C8orf34: variants seen among roughly 807,000 people sequenced by gnomAD.
C8orf34 encodes the protein chromosome 8 open reading frame 34, also known as uncharacterized protein C8orf34.
A neutral mutation model predicts 68.3 loss-of-function variants in C8orf34; 65 were observed. The ratio of observed to expected loss-of-function variants is 0.95; its 90% CI spans 0.78 to 1.17. C8orf34 has a LOEUF of 1.17. C8orf34 is among the 50% of genes most tolerant of loss of function. C8orf34 has a pLI of 0.00. For missense variants in C8orf34, 664 were observed against 655.4 expected, an observed-to-expected ratio of 1.01 and a Z score of -0.14; for synonymous variants, 244 against 241.2, an observed-to-expected ratio of 1.01 and a Z score of -0.11.
chr8:68,735,136 C>T (rs1379865195), intron 10 of C8orf34, among the ~76,000 whole-genome samples: 2 of 152,166 alleles, frequency 1.3e-5, no homozygotes, highest in Non-Finnish European at 2.9e-5. Flanking sequence ...CTGTCACATT[C>T]CAAAGCCCTG....
Position 68,332,983 on chromosome 8 carries a change from A to C in C8orf34, c.327+1644A>C, listed in dbSNP as rs556856025. ...CAACGCAGTGTATTAATTGCATCGAAAGAATCATAAAATACATACATTTAG... is the reference window on the plus strand; with the variant it reads ...CAACGCAGTGTATTAATTGCATCGACAGAATCATAAAATACATACATTTAG... On this transcript the variant is annotated intron_variant, in intron 1 of 13. Coordinates refer to ENST00000518698, the MANE Select transcript of C8orf34 (RefSeq NM_052958.4). Among the ~76,000 whole-genome samples, 4 of 152,326 alleles carry C rather than the reference A, an allele frequency of 2.6e-5. No homozygotes were observed. In the South Asian group the frequency reaches 8.3e-4, roughly 32 times the overall value.
chr8:68,432,076 C>G (rs1477617631), intron 1 of C8orf34, among the ~76,000 whole-genome samples: 1 of 151,986 alleles, frequency 6.6e-6, no homozygotes, highest in Non-Finnish European at 1.5e-5. Context: ...GCCTATAGAG[C>G]TGTGGATGTG....
At chr8:68,495,347 A>G (rs796935530) in intron 5 of C8orf34, among the ~76,000 whole-genome samples, 168 of 152,160 alleles carry the variant, frequency 1.1e-3, no homozygotes, top group African/African-American at 3.8e-3. Context: ...TAAGCATTTT[A>G]TATAGATTAT....
intron 5 of C8orf34, among the ~76,000 whole-genome samples, chr8:68,501,675 C>A (rs1320588306): frequency 1.3e-5 from 2 of 152,120 alleles, no homozygotes; most frequent in South Asian, 2.1e-4. Context: ...AACAAAATTT[C>A]TTTTAGCCAC....
intron 5 of C8orf34, among the ~76,000 whole-genome samples, chr8:68,512,567 A>G (rs1814322638): frequency 6.6e-6 from 1 of 152,190 alleles, no homozygotes; most frequent in Non-Finnish European, 1.5e-5. Flanking sequence ...AAAATGATGA[A>G]TCAGAAATTT....
intron 10 of C8orf34, among the ~76,000 whole-genome samples, chr8:68,774,299 G>GTTC (rs1416388611): frequency 7.2e-6 from 1 of 139,168 alleles, no homozygotes; most frequent in African/African-American, 3.1e-5. Flanking sequence ...CTAAGAAACA[G>GTTC]TTTATCTATG....
Position 68,417,968 on chromosome 8 carries a change from C to A in C8orf34, c.328-21531C>A, listed in dbSNP as rs1370919986. Reference sequence around the variant, plus strand: ...ATTTGTTTGTATCCTCTTTTATTTCCTTGAGCAGTGGTTTGTAGTTCTCCT... The same window carrying A: ...ATTTGTTTGTATCCTCTTTTATTTCATTGAGCAGTGGTTTGTAGTTCTCCT... On this transcript the variant is annotated intron_variant, in intron 1 of 13. Coordinates refer to ENST00000518698, the MANE Select transcript of C8orf34 (RefSeq NM_052958.4). Among the ~76,000 whole-genome samples the A allele has an allele frequency of 1.5e-4, 23 of 150,556 alleles. 1 individual carries two copies. The highest frequency in any genetic ancestry group is 3.1e-4 in the Non-Finnish European group (21 of 67,698).
intron 8 of C8orf34, among the ~76,000 whole-genome samples, chr8:68,647,860 T>C (rs1819225739): frequency 6.6e-6 from 1 of 152,202 alleles, no homozygotes; most frequent in Admixed American, 6.5e-5. Context: ...AGACTTAGTC[T>C]GCTGTGAACA....
intron 9 of C8orf34, among the ~76,000 whole-genome samples, chr8:68,716,142 T>C (rs1486002788): frequency 6.6e-6 from 1 of 151,834 alleles, no homozygotes; most frequent in East Asian, 1.9e-4. Context: ...AAGATTGATA[T>C]ATTGGACTTT....
At chr8:68,738,805 C>A (rs1254651283) in intron 10 of C8orf34, among the ~76,000 whole-genome samples, 1 of 151,880 alleles carries the variant, frequency 6.6e-6, no homozygotes. Flanking sequence ...AACCTACCAA[C>A]CAAAAAAAGG....
intron 1 of C8orf34, among the ~76,000 whole-genome samples, chr8:68,352,833 G>C (rs945656843): frequency 1.3e-5 from 2 of 152,104 alleles, no homozygotes; most frequent in Non-Finnish European, 2.9e-5. Flanking sequence ...AAGATGGTCA[G>C]AAGTTGTGAA....
intron 7 of C8orf34, among the ~76,000 whole-genome samples, chr8:68,551,848 G>A (rs960132347): frequency 6.6e-6 from 1 of 152,034 alleles, no homozygotes; most frequent in Non-Finnish European, 1.5e-5. Flanking sequence ...AGGTTTTAAA[G>A]TTTTAACTCT....
intron 7 of C8orf34, chr8:68,535,320 T>C: frequency 1.0e-6 from 1 of 982,042 alleles, no homozygotes; most frequent in South Asian, 4.7e-5. Context: ...ATGTGTGTGC[T>C]ATAGCTTATG....
At chr8:68,634,011 G>A (rs80080068) in intron 7 of C8orf34, among the ~76,000 whole-genome samples, 1,999 of 152,102 alleles carry the variant, frequency 0.013, 56 homozygotes, top group African/African-American at 0.042. Flanking sequence ...TGGCATGGGA[G>A]CCCTCAAAAG....
At chr8:68,396,272 G>C (rs923826704) in intron 1 of C8orf34, among the ~76,000 whole-genome samples, 2 of 151,894 alleles carry the variant, frequency 1.3e-5, no homozygotes, top group Admixed American at 1.3e-4. Flanking sequence ...TTACCAGCAT[G>C]TTTTAAAATT....
intron 7 of C8orf34, among the ~76,000 whole-genome samples, chr8:68,562,174 T>G (rs1816451474): frequency 6.6e-6 from 1 of 152,202 alleles, no homozygotes; most frequent in South Asian, 2.1e-4. Flanking sequence ...GTGAGTACTG[T>G]GTTGTGGCAC....
chr8:68,393,914 T>G (rs952614855), intron 1 of C8orf34, among the ~76,000 whole-genome samples: 2 of 151,966 alleles, frequency 1.3e-5, no homozygotes, highest in African/African-American at 4.8e-5. Context: ...AGGGGAGAGA[T>G]GATGGTGGCT....
intron 10 of C8orf34, among the ~76,000 whole-genome samples, chr8:68,759,948 C>G (rs1354270664): frequency 6.6e-6 from 1 of 152,124 alleles, no homozygotes; most frequent in Non-Finnish European, 1.5e-5. Flanking sequence ...AAAGCACTTA[C>G]AGTATGACAG....
chr8:68,550,726 G>A (rs919923620), intron 7 of C8orf34, among the ~76,000 whole-genome samples: 2 of 150,960 alleles, frequency 1.3e-5, no homozygotes, highest in African/African-American at 4.8e-5. Context: ...TTTTAAAGGA[G>A]ATTTGATATT....
Sources: gnomAD v4.1 joint callset for allele counts (sites outside exome capture counted in the v4.1 genomes callset) on GRCh38, gnomAD v4.1.1 for gene constraint, MANE v1.5 for transcripts, NCBI Gene and HGNC (gene_info 2026-07-23, HGNC 2026-07-21) for gene names.